Variants in GALNT13 observed in about 807,000 individuals in gnomAD.
GALNT13 encodes the protein UDP-GalNAc:polypeptide N-acetylgalactosaminyltransferase 13.
Under a neutral mutation model 64.2 loss-of-function variants are expected in GALNT13, and 28 were observed. The ratio of observed to expected loss-of-function variants is 0.44; its 90% CI spans 0.32 to 0.60. The LOEUF is 0.60. Among genes scored for constraint, GALNT13 ranks in the 20% least tolerant of loss-of-function variants. The pLI, the probability that GALNT13 is intolerant of heterozygous loss-of-function variation, is 0.05. For synonymous variants in GALNT13, 214 were observed against 224.6 expected (o/e 0.95, Z 0.42); for missense variants, 577 against 669.8 (o/e 0.86, Z 1.53).
chr2:153,463,175 C>G, the GALNT13 span, among the ~76,000 whole-genome samples: 2 of 152,000 alleles, frequency 1.3e-5, no homozygotes. Context: ...AAAAGTAATT[C>G]AACCTTGCCC....
At chr2:153,892,268 C>T (rs1047531431) in intron 1 of GALNT13, among the ~76,000 whole-genome samples, 1 of 151,952 alleles carries the variant, frequency 6.6e-6, no homozygotes, top group Non-Finnish European at 1.5e-5. Context: ...AATATTGATG[C>T]AGTAGGATAA....
chr2:153,550,395 C>G, the GALNT13 span, among the ~76,000 whole-genome samples: 4 of 151,648 alleles, frequency 2.6e-5, no homozygotes, highest in African/African-American at 9.7e-5. Context: ...CCGCCACACT[C>G]AGCTATTTTT....
chr2:153,372,180 T>G, the GALNT13 span, among the ~76,000 whole-genome samples: 1 of 152,192 alleles, frequency 6.6e-6, no homozygotes, highest in Non-Finnish European at 1.5e-5. Flanking sequence ...GGGGGCGGCA[T>G]GTGGTTTCGT....
intron 3 of GALNT13, among the ~76,000 whole-genome samples, chr2:154,138,971 CA>C (rs1312100378): frequency 1.3e-5 from 2 of 151,866 alleles, no homozygotes; most frequent in Non-Finnish European, 2.9e-5. Context: ...ATTTTGATGA[CA>C]ACTTTTTAAA....
chr2:153,432,834 AT>A, the GALNT13 span, among the ~76,000 whole-genome samples: 1 of 152,164 alleles, frequency 6.6e-6, no homozygotes, highest in Non-Finnish European at 1.5e-5. Flanking sequence ...CTTCACCTAG[AT>A]TAAACTTACC....
intron 9 of GALNT13, among the ~76,000 whole-genome samples, chr2:154,358,757 G>A (rs975795602): frequency 2.6e-5 from 4 of 151,828 alleles, no homozygotes; most frequent in Admixed American, 6.6e-5. Flanking sequence ...CAATGTTTAC[G>A]CTGCTAACTT....
intron 1 of GALNT13, among the ~76,000 whole-genome samples, chr2:153,893,717 G>A (rs1687710997): frequency 6.6e-6 from 1 of 151,908 alleles, no homozygotes; most frequent in East Asian, 1.9e-4. Context: ...TGACTACATG[G>A]CATTTCATCA....
chr2:153,170,563 C>T, the GALNT13 span, among the ~76,000 whole-genome samples: 14 of 152,054 alleles, frequency 9.2e-5, no homozygotes, highest in African/African-American at 2.9e-4. Context: ...GGCTAAGCAC[C>T]GAAGTGTCAC....
the GALNT13 span, among the ~76,000 whole-genome samples, chr2:153,748,100 C>A: frequency 6.6e-6 from 1 of 151,980 alleles, no homozygotes; most frequent in Admixed American, 6.6e-5. Flanking sequence ...AAAGTAATGG[C>A]AATTTAATCT....
At chr2:153,139,572 A>G in the GALNT13 span, among the ~76,000 whole-genome samples, 1 of 152,006 alleles carries the variant, frequency 6.6e-6, no homozygotes, top group African/African-American at 2.4e-5. Context: ...TTGAGGGATA[A>G]CTAAGATATG....
chr2:153,891,844 G>C (rs1687574781), intron 1 of GALNT13, among the ~76,000 whole-genome samples: 1 of 151,540 alleles, frequency 6.6e-6, no homozygotes. Flanking sequence ...ACCTTTTTTG[G>C]CCTTGCATCT....
the GALNT13 span, among the ~76,000 whole-genome samples, chr2:153,241,876 T>C: frequency 6.6e-5 from 10 of 152,022 alleles, no homozygotes; most frequent in African/African-American, 2.4e-4. Flanking sequence ...AGGATCCCTG[T>C]AAGCCTGCTT....
chr2:153,675,361 C>T, the GALNT13 span, among the ~76,000 whole-genome samples: 1 of 152,192 alleles, frequency 6.6e-6, no homozygotes, highest in African/African-American at 2.4e-5. Flanking sequence ...GAATACTATG[C>T]AGCCATAAAA....
intron 4 of GALNT13, among the ~76,000 whole-genome samples, chr2:154,150,965 C>A (rs1683973838): frequency 6.6e-6 from 1 of 152,116 alleles, no homozygotes; most frequent in Admixed American, 6.5e-5. Context: ...TACTTGCCTT[C>A]TGTTAGCTTT....
At chr2:153,577,447 T>C in the GALNT13 span, among the ~76,000 whole-genome samples, 1 of 151,944 alleles carries the variant, frequency 6.6e-6, no homozygotes, top group Middle Eastern at 3.2e-3. Flanking sequence ...TAGTTTGCCT[T>C]TCTAGCTCAC....
At chr2:153,507,739 A>C in the GALNT13 span, among the ~76,000 whole-genome samples, 1 of 151,976 alleles carries the variant, frequency 6.6e-6, no homozygotes, top group African/African-American at 2.4e-5. Flanking sequence ...GGTGCTAAAG[A>C]ACCTTGTTTT....
the GALNT13 span, among the ~76,000 whole-genome samples, chr2:153,728,356 C>T: frequency 6.6e-6 from 1 of 152,206 alleles, no homozygotes; most frequent in Non-Finnish European, 1.5e-5. Flanking sequence ...TTTACACTCC[C>T]ACCAACAGTG....
the GALNT13 span, among the ~76,000 whole-genome samples, chr2:153,146,868 C>CCT: frequency 1.2e-3 from 179 of 151,958 alleles, no homozygotes; most frequent in African/African-American, 4.0e-3. Flanking sequence ...GCGGACAGGT[C>CCT]CTCTCCCAGG....
chr2:154,373,520 A>C (rs1427112760), intron 9 of GALNT13, among the ~76,000 whole-genome samples: 2 of 152,176 alleles, frequency 1.3e-5, no homozygotes. Context: ...TTGTCCAAAA[A>C]GATATATTAT....
Sources: gnomAD v4.1 joint callset for allele counts (sites outside exome capture counted in the v4.1 genomes callset) on GRCh38, gnomAD v4.1.1 for gene constraint, MANE v1.5 for transcripts, NCBI Gene and HGNC (gene_info 2026-07-23, HGNC 2026-07-21) for gene names.